EML5: variants seen among roughly 807,000 people sequenced by gnomAD.
EML5 encodes the protein EMAP like 5, also known as echinoderm microtubule-associated protein-like 5.
Under a neutral mutation model 250.0 loss-of-function variants are expected in EML5, and 120 were observed. That is an observed-to-expected ratio of 0.48 (90% CI 0.41 to 0.56). EML5 has a LOEUF of 0.56. EML5 is among the 20% of genes least tolerant of loss of function. The pLI, the probability that EML5 is intolerant of heterozygous loss-of-function variation, is 0.00. For synonymous variants in EML5, 771 were observed against 806.5 expected (o/e 0.96, Z 0.75); for missense variants, 2,006 against 2,437.6 (o/e 0.82, Z 3.73).
At chr14:88,776,045 A>G (rs964608984) in intron 1 of EML5, among the ~76,000 whole-genome samples, 4 of 152,234 alleles carry the variant, frequency 2.6e-5, no homozygotes, top group Admixed American at 6.5e-5. Context: ...GTCTGCAACA[A>G]TTACAGCATT....
chr14:88,616,339 G>T, intron 42 of EML5, 97 bp from the exon 43 acceptor site: 1 of 1,195,132 alleles, frequency 8.4e-7, no homozygotes, highest in Non-Finnish European at 1.2e-6. Flanking sequence ...GAGCTGTGGA[G>T]AGAGTAGGGA....
At chr14:88,744,156 A>G in intron 3 of EML5, 65 bp from the exon 4 acceptor site, 2 of 1,207,978 alleles carry the variant, frequency 1.7e-6, no homozygotes, top group Non-Finnish European at 2.3e-6. Flanking sequence ...ATCCTGTCCA[A>G]AAGACCAAAT....
chr14:88,705,660 T>C, intron 11 of EML5, 72 bp from the exon 12 acceptor site: 3 of 1,096,690 alleles, frequency 2.7e-6, no homozygotes, highest in Admixed American at 2.1e-5. Context: ...GAAAAATTAA[T>C]GATTAAGAGC....
Position 88,705,575 on chromosome 14 carries a change from G to C in EML5, c.1839C>G (p.Asp613Glu), listed in dbSNP as rs2093301991. Reference protein sequence around the residue: ...VHIAPQESLADSHSDESDSDL... With the variant: ...VHIAPQESLAESHSDESDSDL... Reference sequence around the variant, plus strand: ...CTGAATCTGATTCATCACTATGAGAGTCAGCCAGACTTTCTGTAATTTTTA... The same window carrying C: ...CTGAATCTGATTCATCACTATGAGACTCAGCCAGACTTTCTGTAATTTTTA... The change falls in exon 12 of 44, where the codon GAC becomes GAG. Residue 613 changes from aspartate (D) to glutamate (E), a missense_variant. Coordinates refer to ENST00000554922, the MANE Select transcript of EML5 (RefSeq NM_183387.3). The C allele has an allele frequency of 1.3e-6, 2 of 1,590,774 alleles. No homozygotes were observed. The highest frequency in any genetic ancestry group is 2.3e-5 in the East Asian group (1 of 44,344).
At chr14:88,674,319 T>C (rs765630974) in intron 21 of EML5, among the ~76,000 whole-genome samples, 10 of 152,068 alleles carry the variant, frequency 6.6e-5, no homozygotes, top group Non-Finnish European at 1.5e-4. Flanking sequence ...TGGTAATTTA[T>C]AAAGGAAAGA....
intron 23 of EML5, 27 bp downstream of exon 23, chr14:88,664,464 ATC>A: frequency 6.4e-7 from 1 of 1,556,632 alleles, no homozygotes; most frequent in Non-Finnish European, 8.7e-7. Flanking sequence ...TGAAACTTTT[ATC>A]AAGTATTAAG....
intron 7 of EML5, among the ~76,000 whole-genome samples, chr14:88,729,856 C>A (rs1260257674): frequency 7.4e-6 from 1 of 134,236 alleles, no homozygotes; most frequent in Non-Finnish European, 1.5e-5. Context: ...CCACCACACT[C>A]GGTCTTGTTT....
intron 24 of EML5, among the ~76,000 whole-genome samples, chr14:88,662,336 C>CTTGT (rs1215901230): frequency 1.2e-4 from 4 of 32,570 alleles, no homozygotes; most frequent in African/African-American, 5.5e-4. Flanking sequence ...CACAATTTTT[C>CTTGT]TTGTTTTTTT....
rs1369693772 is a variant in EML5 at position 88,691,657 on chromosome 14, G to C, written c.2539+2650C>G. 2.6e-5 allele frequency among the ~76,000 whole-genome samples: 4 copies of C among 152,160 alleles called. No individual in the cohort carries two copies. The East Asian group carries it at 7.7e-4, about 29-fold the overall frequency. On this transcript the variant is annotated intron_variant, in intron 17 of 43. Transcript: ENST00000554922. ...CTCAAAGCCTAGATCTGGAATGGGA[G>C]GCAAGAAGCCCCATGTTAACCTCAA...
At chr14:88,677,844 G>C (rs2092630526) in intron 21 of EML5, among the ~76,000 whole-genome samples, 1 of 152,166 alleles carries the variant, frequency 6.6e-6, no homozygotes, top group South Asian at 2.1e-4. Flanking sequence ...TTACTCTGTT[G>C]GTGTGAATGT....
At chr14:88,716,463 C>T (rs2093495758) in intron 8 of EML5, among the ~76,000 whole-genome samples, 1 of 152,140 alleles carries the variant, frequency 6.6e-6, no homozygotes, top group Non-Finnish European at 1.5e-5. Flanking sequence ...CATATCCATC[C>T]ATCCATCCAT....
chr14:88,693,763 CTTTTTTTT>C (rs71127002), intron 17 of EML5, among the ~76,000 whole-genome samples: 1 of 62,846 alleles, frequency 1.6e-5, no homozygotes, highest in Non-Finnish European at 2.7e-5. Flanking sequence ...ATGTTAACAT[CTTTTTTTT>C]TTTTTTTTTT....
At chr14:88,654,783 A>G (rs1164572909) in intron 27 of EML5, among the ~76,000 whole-genome samples, 2 of 152,134 alleles carry the variant, frequency 1.3e-5, no homozygotes, top group Non-Finnish European at 2.9e-5. Flanking sequence ...AGTTCTGTAG[A>G]TGTCTATTAG....
Position 88,665,352 on chromosome 14 carries a change from T to C in EML5, c.3262A>G (p.Ile1088Val). ...TGGATCTTACCAGGTGAAAATCGAA[T>C]ATCTGAAATCATATCTTTTCTGTGA... is the stretch of plus-strand genomic sequence containing the variant. ...FHHRKDMISD[I>V]RFSPGSGKYL... The change falls in exon 22 of 44, where the codon ATT becomes GTT. Residue 1088 changes from isoleucine to valine, a missense_variant. Transcript: ENST00000554922. 1 of 1,612,368 alleles carries C rather than the reference T, an allele frequency of 6.2e-7. No homozygotes were observed. The highest frequency in any genetic ancestry group is 1.1e-5 in the South Asian group (1 of 90,732).
intron 21 of EML5, among the ~76,000 whole-genome samples, chr14:88,679,709 T>TA (rs1241920252): frequency 1.3e-5 from 2 of 150,962 alleles, no homozygotes; most frequent in African/African-American, 4.9e-5. Context: ...AAATAAAAAA[T>TA]AAAAAAATAA....
At chr14:88,780,982 T>C (rs1175084446) in intron 1 of EML5, among the ~76,000 whole-genome samples, 2 of 152,238 alleles carry the variant, frequency 1.3e-5, no homozygotes, top group African/African-American at 4.8e-5. Flanking sequence ...GATTAAATCA[T>C]CTGGTACTAT....
chr14:88,664,514 G>A lies in EML5; in HGVS notation c.3388C>T (p.His1130Tyr). ...TTACCTCTAATATCCCAATCAATAT[G>A]GGTTATGTAACTGGTAGCTCCTTTG... ...ICKGATSYIT[H>Y]IDWDIRGKLL... is the part of the protein sequence containing the mutation. Residue 1130 changes from histidine to tyrosine, a missense_variant, in exon 23 of 44, where the codon CAT becomes TAT. Transcript: ENST00000554922. The A allele has an allele frequency of 1.2e-6, 2 of 1,606,600 alleles. No homozygotes were observed. The highest frequency in any genetic ancestry group is 1.7e-6 in the Non-Finnish European group (2 of 1,177,592).
chr14:88,702,404 A>T (rs1408509259), intron 14 of EML5, 42 bp downstream of exon 14: 1 of 1,468,702 alleles, frequency 6.8e-7, no homozygotes, highest in East Asian at 2.4e-5. Flanking sequence ...ACTCAAACAA[A>T]GGTGTAGCTT....
intron 2 of EML5, among the ~76,000 whole-genome samples, chr14:88,747,989 G>C (rs1238952227): frequency 1.3e-5 from 2 of 151,982 alleles, no homozygotes; most frequent in East Asian, 1.9e-4. Context: ...CCCTGAAAGA[G>C]GGGAAAACAA....
Sources: allele counts gnomAD v4.1 joint callset (sites outside exome capture counted in the v4.1 genomes callset), GRCh38; gene constraint gnomAD v4.1.1; transcripts MANE v1.5; gene names NCBI Gene and HGNC (gene_info 2026-07-23, HGNC 2026-07-21).